The following FRA10AC1 variants were observed in gnomAD, a reference collection of about 807,000 sequenced individuals.
FRA10AC1 encodes the protein FRA10A associated CGG repeat 1.
Under a neutral mutation model 56.5 loss-of-function variants are expected in FRA10AC1, and 43 were observed. The observed-to-expected ratio is 0.76, with a 90% CI of 0.60 to 0.98. FRA10AC1 has a LOEUF of 0.98. Among genes scored for constraint, FRA10AC1 ranks in the 50% least tolerant of loss-of-function variants. FRA10AC1 has a pLI of 0.00. For synonymous variants in FRA10AC1, 112 were observed against 110.5 expected (o/e 1.01, Z -0.09); for missense variants, 346 against 351.8 (o/e 0.98, Z 0.13).
Position 93,688,983 on chromosome 10 carries a change from G to C in FRA10AC1, c.466-1534C>G, listed in dbSNP as rs1284073188. On this transcript the variant is annotated intron_variant, in intron 7 of 13. Transcript: ENST00000359204. ...AAAATGGAAATAGTAACAACCTTAA[G>C]TTCACCGGATTGTTATAGTAAGACA... Among the ~76,000 whole-genome samples the C allele has an allele frequency of 2.0e-5, 3 of 151,314 alleles. No individual in the cohort carries two copies. In the East Asian group the frequency reaches 5.8e-4, roughly 29 times the overall value.
chr10:93,696,217 T>C (rs575752159), intron 4 of FRA10AC1, among the ~76,000 whole-genome samples: 18 of 152,328 alleles, frequency 1.2e-4, no homozygotes, highest in African/African-American at 4.1e-4. Context: ...GCGAGTTCCC[T>C]AGGTTTTCTT....
intron 7 of FRA10AC1, among the ~76,000 whole-genome samples, chr10:93,691,440 G>C (rs183217483): frequency 3.9e-5 from 6 of 152,188 alleles, no homozygotes; most frequent in Admixed American, 1.3e-4. Flanking sequence ...GCCTCCCAAA[G>C]TGCTGAGATT....
chr10:93,701,414 C>T (rs896304603), intron 1 of FRA10AC1, among the ~76,000 whole-genome samples: 1 of 152,176 alleles, frequency 6.6e-6, no homozygotes, highest in African/African-American at 2.4e-5. Context: ...GTCCTGGCTA[C>T]CTTGAATAAG....
chr10:93,676,654 A>C lies in FRA10AC1; in HGVS notation c.825T>G (p.Leu275=). Residue 275 remains leucine, a splice_region_variant and synonymous_variant, in exon 12 of 14, where the codon CTT becomes CTG. Transcript: ENST00000359204. The part of the protein sequence containing the change: ...SSSKKSEDSL[L]RNSDEEESAS... ...ATTAAATAAACACTTGTTACTTACTAAGTAGAGAATCTTCAGATTTCTTTG... is the reference window on the plus strand; with the variant it reads ...ATTAAATAAACACTTGTTACTTACTCAGTAGAGAATCTTCAGATTTCTTTG... 1.3e-6 allele frequency: 2 copies of C among 1,560,640 alleles called. No individual in the cohort carries two copies. Among genetic ancestry groups the C allele is most frequent in the Non-Finnish European group, 1.7e-6 (2 of 1,159,288 alleles).
At chr10:93,694,756 AT>A in intron 5 of FRA10AC1, 104 bp downstream of exon 5, 3 of 636,162 alleles carry the variant, frequency 4.7e-6, no homozygotes, top group East Asian at 6.8e-5. Flanking sequence ...GCACACCGGA[AT>A]AGAAAGCAGG....
chr10:93,682,430 G>A (rs2058951187), intron 10 of FRA10AC1, among the ~76,000 whole-genome samples: 2 of 152,110 alleles, frequency 1.3e-5, no homozygotes, highest in South Asian at 4.1e-4. Context: ...CAAAAGTCAA[G>A]GTCAAAACAA....
At chr10:93,693,413 T>C (rs2059157060) in intron 5 of FRA10AC1, among the ~76,000 whole-genome samples, 1 of 147,258 alleles carries the variant, frequency 6.8e-6, no homozygotes, top group South Asian at 2.1e-4. Flanking sequence ...CAATTCGCAA[T>C]TGCAAAGCTA....
chr10:93,698,137 G>A lies in FRA10AC1; in HGVS notation c.218C>T (p.Ala73Val), dbSNP rs1321824334. The change falls in exon 4 of 14, where the codon GCT becomes GTT. Residue 73 changes from alanine to valine, a missense_variant and splice_region_variant. Physicochemically the swap from Ala to Val is moderately conservative, Grantham distance 64. Coordinates refer to ENST00000359204, the MANE Select transcript of FRA10AC1 (RefSeq NM_145246.5). Reference sequence around the variant, plus strand: ...AATCTGGAAATAAAAAAAGGATACAGCATCCATAGCTATGAGATGAAACCT... The same window carrying A: ...AATCTGGAAATAAAAAAAGGATACAACATCCATAGCTATGAGATGAAACCT... ...NRRFHLIAMD[A>V]YQRHTKFVND... 5 of 1,528,628 alleles carry A rather than the reference G, an allele frequency of 3.3e-6. No individual in the cohort carries two copies. The highest frequency in any genetic ancestry group is 4.4e-6 in the Non-Finnish European group (5 of 1,131,648). The allele number at this position is 1,528,628 out of a possible 1,614,324, so 94.7% of individuals were successfully genotyped here. A position where few individuals can be genotyped will look rare whatever the true frequency, so the allele number is the denominator to read the frequency against.
intron 12 of FRA10AC1, chr10:93,671,730 T>C (rs2058765134): frequency 3.9e-6 from 1 of 259,244 alleles, no homozygotes; most frequent in Non-Finnish European, 7.5e-6. Context: ...GTATAATAGA[T>C]ATGTTAAAAA....
At chr10:93,695,082 A>C in intron 4 of FRA10AC1, 145 bp from the exon 5 acceptor site, 1 of 540,932 alleles carries the variant, frequency 1.8e-6, no homozygotes, top group Non-Finnish European at 3.3e-6. Flanking sequence ...TTACACATTC[A>C]GAAAATCTAG....
At chr10:93,678,879 A>G (rs1004435911) in intron 11 of FRA10AC1, among the ~76,000 whole-genome samples, 1 of 151,644 alleles carries the variant, frequency 6.6e-6, no homozygotes, top group Admixed American at 6.6e-5. Context: ...TTAGCTAAAG[A>G]GAGGCCAGAA....
intron 7 of FRA10AC1, 29 bp from the exon 8 acceptor site, chr10:93,687,478 A>C: frequency 1.4e-6 from 2 of 1,464,564 alleles, no homozygotes; most frequent in African/African-American, 1.4e-5. Flanking sequence ...CATTTATGCC[A>C]ATGTAAATTT....
In FRA10AC1 at chr10:93,686,364, C is replaced by A. The variant is rs542060204; in HGVS notation, c.512-1005G>T. On this transcript the variant is annotated intron_variant, in intron 8 of 13. Coordinates refer to ENST00000359204, the MANE Select transcript of FRA10AC1 (RefSeq NM_145246.5). Reference sequence around the variant, plus strand: ...TAAATCACATTAGCAGCTTTCTTTCCCTTTCCTAACTAGTCTTTTATTCAG... The same window carrying A: ...TAAATCACATTAGCAGCTTTCTTTCACTTTCCTAACTAGTCTTTTATTCAG... Among the ~76,000 whole-genome samples the A allele has an allele frequency of 4.0e-5, 6 of 151,768 alleles. No homozygotes were observed. In the South Asian group the frequency reaches 8.3e-4, roughly 21 times the overall value.
At chr10:93,682,900 T>C (rs2058960492) in intron 10 of FRA10AC1, among the ~76,000 whole-genome samples, 1 of 152,208 alleles carries the variant, frequency 6.6e-6, no homozygotes, top group Non-Finnish European at 1.5e-5. Context: ...GCTAAAATAC[T>C]ATATAGGCAC....
Position 93,698,382 on chromosome 10 carries a change from T to C in FRA10AC1, c.92A>G (p.Asp31Gly), listed in dbSNP as rs1488177093. Residue 31 changes from aspartate (D) to glycine (G), a missense_variant, in exon 3 of 14, where the codon GAC (aspartate) becomes GGC (glycine). Transcript: ENST00000359204. ...SKRKKRTVED[D>G]LLLQKPFQKE... Reference sequence around the variant, plus strand: ...CTGAAATGGTTTTTGGAGCAGTAAGTCATCTTCAACTGTCCTGATATATTA... The same window carrying C: ...CTGAAATGGTTTTTGGAGCAGTAAGCCATCTTCAACTGTCCTGATATATTA... The C allele has an allele frequency of 6.2e-7, 1 of 1,602,392 alleles. No individual in the cohort carries two copies. The highest frequency in any genetic ancestry group is 2.2e-5 in the East Asian group (1 of 44,738).
chr10:93,690,375 T>C lies in FRA10AC1; in HGVS notation c.465+1634A>G, dbSNP rs1371113811. ...TCATGTTCTAGCAGGAAAATACACA[T>C]TTTTTCAAGATTATTTTCTTTAAAG... On this transcript the variant is annotated intron_variant, in intron 7 of 13. Transcript: ENST00000359204. Among the ~76,000 whole-genome samples, 7 of 152,334 alleles carry C rather than the reference T, an allele frequency of 4.6e-5. No individual in the cohort carries two copies. The East Asian group carries it at 1.3e-3, about 29-fold the overall frequency.
At position 93,685,336 on chromosome 10, in the gene FRA10AC1, A is replaced by T; in HGVS notation, c.535T>A (p.Tyr179Asn). The change falls in exon 9 of 14, where the codon TAT (tyrosine) becomes AAT (asparagine). Residue 179 changes from tyrosine to asparagine, a missense_variant. Coordinates refer to ENST00000359204, the MANE Select transcript of FRA10AC1 (RefSeq NM_145246.5). ...GKGQFFCGNK[Y>N]CDKKEGLKSW... The stretch of plus-strand genomic sequence containing the variant: ...TTTAAGCCTTCTTTTTTATCACAAT[A>T]TTTATTTCCACAGAAAAATTGACCT... 1 of 1,539,204 alleles carries T rather than the reference A, an allele frequency of 6.5e-7. No individual in the cohort carries two copies. Among genetic ancestry groups the T allele is most frequent in the South Asian group, 1.1e-5 (1 of 87,940 alleles).
Position 93,692,065 on chromosome 10 carries a change from C to A in FRA10AC1, c.409G>T (p.Asp137Tyr). 1.3e-6 allele frequency: 2 copies of A among 1,553,460 alleles called. No individual in the cohort carries two copies. The highest frequency in any genetic ancestry group is 2.5e-5 in the South Asian group (2 of 80,522). Reference sequence around the variant, plus strand: ...ATGCAGTATTCCTTAAATAATTTATCATAGTATTTCTTAGCAAGTCTCTTC... The same window carrying A: ...ATGCAGTATTCCTTAAATAATTTATAATAGTATTTCTTAGCAAGTCTCTTC... Reference protein sequence around the residue: ...WEKRLAKKYYDKLFKEYCIAD... With the variant: ...WEKRLAKKYYYKLFKEYCIAD... Residue 137 changes from aspartate (D) to tyrosine (Y), a missense_variant, in exon 7 of 14, where the codon GAT (aspartate) becomes TAT (tyrosine). Coordinates refer to ENST00000359204, the MANE Select transcript of FRA10AC1 (RefSeq NM_145246.5).
At chr10:93,682,991 A>T (rs1369536140) in intron 10 of FRA10AC1, among the ~76,000 whole-genome samples, 1 of 152,212 alleles carries the variant, frequency 6.6e-6, no homozygotes, top group African/African-American at 2.4e-5. Context: ...ATGCTTATGT[A>T]TACATTTTAT....
Sources: allele counts gnomAD v4.1 joint callset (sites outside exome capture counted in the v4.1 genomes callset), GRCh38; gene constraint gnomAD v4.1.1; transcripts MANE v1.5; gene names NCBI Gene and HGNC (gene_info 2026-07-23, HGNC 2026-07-21).